The following STK39 variants were observed in gnomAD, a reference collection of about 807,000 sequenced individuals.
STK39 encodes STE20/SPS1-related proline-alanine-rich protein kinase.
Under a neutral mutation model 77.8 loss-of-function variants are expected in STK39, and 20 were observed. The observed-to-expected ratio is 0.26, with a 90% CI of 0.18 to 0.37. STK39 has a LOEUF of 0.37. Among genes scored for constraint, STK39 ranks in the 10% least tolerant of loss-of-function variants. STK39 has a pLI of 1.00. For synonymous variants in STK39, 246 were observed against 234.1 expected (o/e 1.05, Z -0.47); for missense variants, 479 against 656.5 (o/e 0.73, Z 2.95).
intron 5 of STK39, among the ~76,000 whole-genome samples, chr2:168,144,947 C>G (rs546675054): frequency 6.7e-6 from 1 of 150,364 alleles, no homozygotes; most frequent in East Asian, 2.0e-4. Flanking sequence ...TGCCACTGCA[C>G]TCCAGTCTAG....
chr2:168,139,862 G>C (rs868471193), intron 7 of STK39, among the ~76,000 whole-genome samples: 1 of 151,936 alleles, frequency 6.6e-6, no homozygotes, highest in Non-Finnish European at 1.5e-5. Context: ...ATAAGAGCAG[G>C]GGTAAAAATG....
intron 3 of STK39, among the ~76,000 whole-genome samples, chr2:168,165,511 C>A (rs1222350330): frequency 6.6e-6 from 1 of 152,150 alleles, no homozygotes; most frequent in Non-Finnish European, 1.5e-5. Context: ...GCAAGTTCCT[C>A]TGCTGAATAA....
At chr2:168,127,734 C>T (rs1687582176) in intron 10 of STK39, among the ~76,000 whole-genome samples, 1 of 152,154 alleles carries the variant, frequency 6.6e-6, no homozygotes, top group South Asian at 2.1e-4. Context: ...CACTTTTGAG[C>T]AACTAAGACC....
At chr2:168,058,487 A>G (rs1211594645) in intron 14 of STK39, among the ~76,000 whole-genome samples, 1 of 152,106 alleles carries the variant, frequency 6.6e-6, no homozygotes, top group Non-Finnish European at 1.5e-5. Context: ...ATAGACACCA[A>G]CTGTTCCCAA....
chr2:168,121,453 G>A (rs1687403568), intron 10 of STK39, among the ~76,000 whole-genome samples: 1 of 152,200 alleles, frequency 6.6e-6, no homozygotes, highest in Non-Finnish European at 1.5e-5. Flanking sequence ...GTTTACTGTA[G>A]TGAAAGAAAG....
At chr2:168,114,780 T>C (rs904053500) in intron 10 of STK39, among the ~76,000 whole-genome samples, 1 of 138,328 alleles carries the variant, frequency 7.2e-6, no homozygotes, top group African/African-American at 2.5e-5. Flanking sequence ...TCGGACCTCA[T>C]AACAAGCATC....
intron 16 of STK39, among the ~76,000 whole-genome samples, chr2:167,997,871 T>C (rs1016913971): frequency 6.6e-6 from 1 of 151,872 alleles, no homozygotes; most frequent in South Asian, 2.1e-4. Context: ...TGTATGAAAA[T>C]TTCTACGCCA....
chr2:168,022,433 G>A (rs1684593533), intron 14 of STK39, among the ~76,000 whole-genome samples: 1 of 152,200 alleles, frequency 6.6e-6, no homozygotes, highest in African/African-American at 2.4e-5. Context: ...CCAGGGAGAT[G>A]TGGGGACTGT....
At chr2:168,127,565 T>C (rs1687576887) in intron 10 of STK39, among the ~76,000 whole-genome samples, 1 of 152,192 alleles carries the variant, frequency 6.6e-6, no homozygotes, top group Admixed American at 6.5e-5. Context: ...GCACAGATGG[T>C]TCAGTTTGGC....
intron 16 of STK39, among the ~76,000 whole-genome samples, chr2:167,994,339 GA>G (rs199631815): frequency 0.016 from 2,370 of 151,638 alleles, 62 homozygotes; most frequent in African/African-American, 0.054. Flanking sequence ...CAGTGAAAAA[GA>G]AAAAAAATCA....
intron 16 of STK39, among the ~76,000 whole-genome samples, chr2:167,986,329 A>G (rs1404130820): frequency 6.6e-6 from 1 of 152,208 alleles, no homozygotes; most frequent in Non-Finnish European, 1.5e-5. Flanking sequence ...AATCATGCTG[A>G]AAAATTTTGA....
At chr2:168,148,553 G>A (rs773327625) in intron 5 of STK39, among the ~76,000 whole-genome samples, 15 of 152,228 alleles carry the variant, frequency 9.9e-5, no homozygotes, top group Non-Finnish European at 2.1e-4. Flanking sequence ...AAGCTCAGCA[G>A]GACAAGTCAA....
intron 16 of STK39, among the ~76,000 whole-genome samples, chr2:167,981,368 T>A (rs75807146): frequency 0.031 from 4,791 of 152,326 alleles, 243 homozygotes; most frequent in East Asian, 0.21. Context: ...TTTAGACTTT[T>A]CTGCAAATAA....
intron 1 of STK39, among the ~76,000 whole-genome samples, chr2:168,217,300 A>G (rs1443400998): frequency 6.6e-6 from 1 of 152,158 alleles, no homozygotes; most frequent in African/African-American, 2.4e-5. Flanking sequence ...GGAGGAGGAG[A>G]TTCAGATTCA....
chr2:168,235,675 A>T (rs537897719), intron 1 of STK39, among the ~76,000 whole-genome samples: 1 of 137,874 alleles, frequency 7.3e-6, no homozygotes, highest in Non-Finnish European at 1.5e-5. Context: ...TCATTGTTCA[A>T]TTCCCACCTA....
chr2:167,956,694 ACACTCT>A (rs1293038001), intron 17 of STK39, among the ~76,000 whole-genome samples: 2 of 41,716 alleles, frequency 4.8e-5, no homozygotes, highest in African/African-American at 2.7e-4. Flanking sequence ...ACACACACAC[ACACTCT>A]CTCTCTCTCT....
chr2:167,991,597 T>G (rs577160655), intron 16 of STK39, among the ~76,000 whole-genome samples: 4 of 152,328 alleles, frequency 2.6e-5, no homozygotes, highest in African/African-American at 9.6e-5. Flanking sequence ...AGGTCAATGC[T>G]GCAATTGTAC....
intron 1 of STK39, among the ~76,000 whole-genome samples, chr2:168,228,359 G>A (rs546364682): frequency 2.6e-5 from 4 of 152,202 alleles, no homozygotes. Context: ...TCTATGCCAT[G>A]TAAATATATA....
intron 12 of STK39, among the ~76,000 whole-genome samples, chr2:168,069,097 T>C (rs1685873166): frequency 6.6e-6 from 1 of 152,132 alleles, no homozygotes; most frequent in Non-Finnish European, 1.5e-5. Flanking sequence ...TTTGTATTTT[T>C]AGTAGAGACA....
Sources: allele counts gnomAD v4.1 joint callset (sites outside exome capture counted in the v4.1 genomes callset), GRCh38; gene constraint gnomAD v4.1.1; transcripts MANE v1.5; gene names NCBI Gene and HGNC (gene_info 2026-07-23, HGNC 2026-07-21).